SESN3: variants seen among roughly 807,000 people sequenced by gnomAD.
SESN3 encodes the protein sestrin 3, also known as sestrin-3.
In SESN3, 21 loss-of-function variants were observed where a neutral mutation model predicts 55.3. That is an observed-to-expected ratio of 0.38 (90% CI 0.27 to 0.55). The LOEUF is 0.55. Among genes scored for constraint, SESN3 ranks in the 20% least tolerant of loss-of-function variants. SESN3 has a pLI of 0.76. For missense variants in SESN3, 408 were observed against 604.3 expected, an observed-to-expected ratio of 0.68 and a Z score of 3.41; for synonymous variants, 181 against 203.1, an observed-to-expected ratio of 0.89 and a Z score of 0.93.
At position 95,230,792 on chromosome 11, in the gene SESN3, C is replaced by A; in HGVS notation, c.69G>T (p.Val23=). 4 of 1,606,708 alleles carry A rather than the reference C, an allele frequency of 2.5e-6. No homozygotes were observed. The highest frequency in any genetic ancestry group is 1.1e-5 in the South Asian group (1 of 90,886). Residue 23 remains valine, a synonymous_variant, in exon 1 of 10, where the codon GTG becomes GTT. Transcript: ENST00000536441. The surrounding 1 kb of genome is among the most constrained non-coding windows in gnomAD (Gnocchi z 4.6). ...CGGGCCGAACCCGTACCTTCCGCAG[C>A]ACTTTCCGGCAGTTGGTACAGAGCA... ...NYLLCTNCRK[V]LRKDKRIRVS...
At chr11:95,206,247 C>A (rs1860543744) in intron 1 of SESN3, among the ~76,000 whole-genome samples, 1 of 151,876 alleles carries the variant, frequency 6.6e-6, no homozygotes, top group Non-Finnish European at 1.5e-5. Context: ...TGATTGATAA[C>A]ATACTATTTC....
At position 95,189,810 on chromosome 11, in the gene SESN3, C is replaced by T. The variant is rs1409733830; in HGVS notation, c.494G>A (p.Arg165Gln). The change falls in exon 4 of 10, where the codon CGA becomes CAA. Residue 165 changes from arginine (R) to glutamine (Q), a missense_variant. Around this residue, in one of 4 missense-constraint regions of SESN3, gnomAD observed 107 missense variants for 211.3 expected, o/e 0.51. Transcript: ENST00000536441. ...GTGCTCTTTTGTGATCAGCCAAGGT[C>T]GATGTGCTAGCAGCTTATTAATTTC... Reference protein sequence around the residue: ...LNEINKLLAHRPWLITKEHIQ... With the variant: ...LNEINKLLAHQPWLITKEHIQ... 3.7e-6 allele frequency: 6 copies of T among 1,610,564 alleles called. No individual in the cohort carries two copies. Among genetic ancestry groups the T allele is most frequent in the East Asian group, 2.2e-5 (1 of 44,776 alleles).
At chr11:95,227,972 A>G (rs1385726427) in intron 1 of SESN3, among the ~76,000 whole-genome samples, 2 of 152,194 alleles carry the variant, frequency 1.3e-5, no homozygotes, top group African/African-American at 4.8e-5. Flanking sequence ...TAGACTTAAG[A>G]GTTAGGGATT....
rs1201031928 is a variant in SESN3, at chr11:95,171,084, T to G, written c.*2171A>C. On this transcript the variant is annotated 3_prime_UTR_variant, in exon 10 of 10. Transcript: ENST00000536441. ...ATCATTTTTTATCCTGTTATACAGT[T>G]CGCCTGCACAAAAATATAGGGCTAT... is the stretch of plus-strand genomic sequence containing the variant. 2.9e-4 allele frequency: 44 copies of G among 152,166 alleles called. No individual in the cohort carries two copies. The allele number at this position is 152,166 out of a possible 1,614,324, so 9.4% of individuals were successfully genotyped here.
At chr11:95,178,676 G>A (rs770123475) in intron 7 of SESN3, 34 bp downstream of exon 7, 1 of 1,244,832 alleles carries the variant, frequency 8.0e-7, no homozygotes, top group Non-Finnish European at 1.2e-6. Flanking sequence ...ATGACAGTAT[G>A]TTCTAGTTTC....
chr11:95,229,410 T>C (rs1465897834), intron 1 of SESN3, among the ~76,000 whole-genome samples: 1 of 152,172 alleles, frequency 6.6e-6, no homozygotes, highest in Non-Finnish European at 1.5e-5. Context: ...AATAAAAATC[T>C]GTTTCAAGAG....
intron 1 of SESN3, among the ~76,000 whole-genome samples, chr11:95,205,171 A>G (rs953365184): frequency 6.6e-6 from 1 of 152,240 alleles, no homozygotes; most frequent in Non-Finnish European, 1.5e-5. Flanking sequence ...GTTCTACATG[A>G]TTCCTGAAAC....
In SESN3 at chr11:95,217,163, ATT is replaced by A. The variant is rs1334945572; in HGVS notation, c.78+13618_78+13619del. 2.0e-5 allele frequency among the ~76,000 whole-genome samples: 3 copies of A among 152,078 alleles called. No homozygotes were observed. The East Asian group carries it at 5.8e-4, about 29-fold the overall frequency. On this transcript the variant is annotated intron_variant, in intron 1 of 9. Coordinates refer to ENST00000536441, the MANE Select transcript of SESN3 (RefSeq NM_144665.4). ...TACTATATGCTTATACATCATGTGAATTTGTTTTTTAAAACCACATGTGTTTA... is the reference window on the plus strand; with the variant it reads ...TACTATATGCTTATACATCATGTGAATGTTTTTTAAAACCACATGTGTTTA...
At chr11:95,215,694 T>A (rs984268884) in intron 1 of SESN3, among the ~76,000 whole-genome samples, 2 of 152,184 alleles carry the variant, frequency 1.3e-5, no homozygotes, top group Non-Finnish European at 2.9e-5. Context: ...GAATGTGAAT[T>A]TTTCCTAGAA....
intron 1 of SESN3, among the ~76,000 whole-genome samples, chr11:95,197,212 GACTTTTTCTTCTC>G (rs1393310281): frequency 6.6e-6 from 1 of 152,116 alleles, no homozygotes; most frequent in Non-Finnish European, 1.5e-5. Context: ...GGAGGTCTAG[GACTTTTTCTTCTC>G]ACATAACTGA....
intron 4 of SESN3, among the ~76,000 whole-genome samples, chr11:95,189,379 C>G (rs1023748058): frequency 2.0e-5 from 3 of 151,890 alleles, no homozygotes; most frequent in African/African-American, 7.2e-5. Flanking sequence ...AATGTTAGAA[C>G]TATAAAAAAG....
chr11:95,213,772 C>T (rs2134258449), intron 1 of SESN3, among the ~76,000 whole-genome samples: 1 of 152,190 alleles, frequency 6.6e-6, no homozygotes, highest in South Asian at 2.1e-4. Flanking sequence ...AAAATTACAA[C>T]CAGAGCTAGG....
intron 4 of SESN3, among the ~76,000 whole-genome samples, chr11:95,189,307 C>CA (rs1430981229): frequency 2.6e-5 from 4 of 151,968 alleles, no homozygotes; most frequent in African/African-American, 9.7e-5. Context: ...AGCATTCACA[C>CA]ACCAGCTGGC....
chr11:95,195,190 G>A (rs887965735), intron 1 of SESN3, among the ~76,000 whole-genome samples: 2 of 151,968 alleles, frequency 1.3e-5, no homozygotes, highest in African/African-American at 4.8e-5. Flanking sequence ...AACAAAAAAT[G>A]ATTTATTAAA....
At chr11:95,174,990 T>C (rs1271124890) in intron 9 of SESN3, among the ~76,000 whole-genome samples, 1 of 152,114 alleles carries the variant, frequency 6.6e-6, no homozygotes, top group East Asian at 1.9e-4. Flanking sequence ...TACTGAAATG[T>C]TGTATTAGGT....
intron 8 of SESN3, among the ~76,000 whole-genome samples, chr11:95,177,168 A>G (rs1859973234): frequency 6.6e-6 from 1 of 152,130 alleles, no homozygotes. Flanking sequence ...AGACTATTCA[A>G]TCTCATGTAC....
At chr11:95,210,756 G>C (rs1354680769) in intron 1 of SESN3, among the ~76,000 whole-genome samples, 1 of 152,024 alleles carries the variant, frequency 6.6e-6, no homozygotes, top group Non-Finnish European at 1.5e-5. Context: ...CTAGATTCAA[G>C]ACTCTTTAAT....
In SESN3 at chr11:95,168,907, G is replaced by C. The variant is rs551302535; in HGVS notation, c.*4348C>G. ...TTGGAGGAAGAAGCAGGCAGAAAAG[G>C]GTGGACTGAATGCAGACAGGACCTC... is the stretch of plus-strand genomic sequence containing the variant. On this transcript the variant is annotated 3_prime_UTR_variant, in exon 10 of 10. Transcript: ENST00000536441. 1 of 152,740 alleles carries C rather than the reference G, an allele frequency of 6.5e-6. No homozygotes were observed. Among genetic ancestry groups the C allele is most frequent in the East Asian group, 1.9e-4 (1 of 5,190 alleles). 9.5% of individuals were successfully genotyped at this position (152,740 alleles called of 1,614,324 possible).
Position 95,230,488 on chromosome 11 carries a change from G to A in SESN3, c.78+295C>T, listed in dbSNP as rs1861035162. On this transcript the variant is annotated intron_variant, in intron 1 of 9. Coordinates refer to ENST00000536441, the MANE Select transcript of SESN3 (RefSeq NM_144665.4). The surrounding 1 kb of genome is among the most constrained non-coding windows in gnomAD (Gnocchi z 4.6). ...CCTCCGCCCAAGGAGCCGACCCGGG[G>A]TAGCAAGGTAGGGAAATGAGCCGTA... is the stretch of plus-strand genomic sequence containing the variant. The A allele has an allele frequency of 5.6e-6, 2 of 357,652 alleles. No individual in the cohort carries two copies. The highest frequency in any genetic ancestry group is 1.0e-5 in the Non-Finnish European group (2 of 196,506). 22.2% of individuals were successfully genotyped at this position (357,652 alleles called of 1,614,324 possible).
Sources: gnomAD v4.1 joint callset for allele counts (sites outside exome capture counted in the v4.1 genomes callset) on GRCh38, gnomAD v4.1.1 for gene constraint, gnomAD v4.1.1 regional missense constraint, Gnocchi (gnomAD v3.1) non-coding constraint, MANE v1.5 for transcripts, NCBI Gene and HGNC (gene_info 2026-07-23, HGNC 2026-07-21) for gene names.